Variants in CNTN5 observed in about 807,000 individuals in gnomAD.
CNTN5 encodes the protein contactin 5, also known as contactin-5.
A neutral mutation model predicts 129.1 loss-of-function variants in CNTN5; 77 were observed. That is an observed-to-expected ratio of 0.60 (90% CI 0.50 to 0.72). The LOEUF is 0.72. CNTN5 is among the 30% of genes least tolerant of loss of function. CNTN5 has a pLI of 0.00. For missense variants in CNTN5, 1,478 were observed against 1,328.8 expected, an observed-to-expected ratio of 1.11 and a Z score of -1.75; for synonymous variants, 509 against 465.6, an observed-to-expected ratio of 1.09 and a Z score of -1.20.
chr11:99,525,535 A>T (rs1591217478), intron 2 of CNTN5, among the ~76,000 whole-genome samples: 2 of 152,252 alleles, frequency 1.3e-5, no homozygotes, highest in African/African-American at 2.4e-5. Flanking sequence ...AGTTAGGATG[A>T]TCTGGGGTAA....
At chr11:99,454,839 T>C (rs1944438550) in intron 2 of CNTN5, among the ~76,000 whole-genome samples, 2 of 152,094 alleles carry the variant, frequency 1.3e-5, no homozygotes, top group African/African-American at 4.8e-5. Flanking sequence ...GGAACAAAGT[T>C]ATATCTTGTA....
chr11:99,178,507 T>C (rs1052315674), intron 1 of CNTN5, among the ~76,000 whole-genome samples: 8 of 150,838 alleles, frequency 5.3e-5, no homozygotes, highest in African/African-American at 1.9e-4. Context: ...GGTGACAGAG[T>C]GAGACCTTGT....
intron 4 of CNTN5, among the ~76,000 whole-genome samples, chr11:99,839,271 TAAAAG>T (rs1465076655): frequency 6.6e-6 from 1 of 152,100 alleles, no homozygotes; most frequent in Non-Finnish European, 1.5e-5. Context: ...CACCAGCCCT[TAAAAG>T]AAATGTGTAC....
At chr11:99,143,558 C>T (rs937444500) in intron 1 of CNTN5, among the ~76,000 whole-genome samples, 1 of 151,774 alleles carries the variant, frequency 6.6e-6, no homozygotes, top group African/African-American at 2.4e-5. Flanking sequence ...TTCCTTCTTT[C>T]CTTTCTCCGT....
chr11:99,406,721 C>CCTGGTGT (rs1454856918), intron 2 of CNTN5, among the ~76,000 whole-genome samples: 2 of 152,148 alleles, frequency 1.3e-5, no homozygotes, highest in Non-Finnish European at 2.9e-5. Flanking sequence ...TAGAAGTTTA[C>CCTGGTGT]CTGGTGTTCT....
intron 23 of CNTN5, among the ~76,000 whole-genome samples, chr11:100,344,244 C>G (rs1056095933): frequency 3.3e-5 from 5 of 151,970 alleles, no homozygotes; most frequent in African/African-American, 1.2e-4. Flanking sequence ...ACATTAAGTC[C>G]AGTTTAAGAT....
intron 1 of CNTN5, among the ~76,000 whole-genome samples, chr11:99,312,674 T>A (rs1865163351): frequency 1.3e-5 from 2 of 152,288 alleles, no homozygotes; most frequent in Admixed American, 6.5e-5. Flanking sequence ...GTAAGACAAT[T>A]CAGATAGTGT....
At chr11:100,249,677 T>G (rs2138706779) in intron 16 of CNTN5, among the ~76,000 whole-genome samples, 1 of 152,290 alleles carries the variant, frequency 6.6e-6, no homozygotes, top group Non-Finnish European at 1.5e-5. Flanking sequence ...TATTAATCTA[T>G]CTTCAATGAT....
intron 2 of CNTN5, among the ~76,000 whole-genome samples, chr11:99,523,794 G>C (rs186632685): frequency 6.6e-5 from 10 of 152,206 alleles, no homozygotes; most frequent in Non-Finnish European, 1.3e-4. Flanking sequence ...GCGTGATTGA[G>C]CAAACATAGA....
intron 1 of CNTN5, among the ~76,000 whole-genome samples, chr11:99,223,612 C>T (rs1860518579): frequency 6.6e-6 from 1 of 152,036 alleles, no homozygotes; most frequent in Admixed American, 6.6e-5. Context: ...ATGCTTGAGC[C>T]CTGTTTGCAT....
chr11:100,060,113 G>A (rs1943401512), intron 9 of CNTN5, among the ~76,000 whole-genome samples: 1 of 151,898 alleles, frequency 6.6e-6, no homozygotes, highest in Admixed American at 6.6e-5. Context: ...GGGAAACTGA[G>A]GCAGGAGAAT....
At chr11:99,301,654 C>T (rs906895266) in intron 1 of CNTN5, among the ~76,000 whole-genome samples, 4 of 151,452 alleles carry the variant, frequency 2.6e-5, no homozygotes, top group Non-Finnish European at 5.9e-5. Context: ...AGAACATAAC[C>T]CCATTTTTAA....
At chr11:99,635,584 G>C (rs1391859350) in intron 3 of CNTN5, among the ~76,000 whole-genome samples, 1 of 151,890 alleles carries the variant, frequency 6.6e-6, no homozygotes, top group African/African-American at 2.4e-5. Context: ...GTTCTGAGTA[G>C]TAACCTCTGC....
At chr11:99,036,554 A>T (rs2135117772) in intron 1 of CNTN5, among the ~76,000 whole-genome samples, 1 of 152,320 alleles carries the variant, frequency 6.6e-6, no homozygotes, top group Middle Eastern at 3.4e-3. Context: ...ATATGAAATT[A>T]AAATTCTTAG....
chr11:99,678,083 A>G (rs1565417928), intron 3 of CNTN5, among the ~76,000 whole-genome samples: 1 of 152,088 alleles, frequency 6.6e-6, no homozygotes, highest in Non-Finnish European at 1.5e-5. Flanking sequence ...TTATTTGGGT[A>G]CATTTGACTC....
chr11:99,966,688 G>A (rs938803422), intron 8 of CNTN5, among the ~76,000 whole-genome samples: 4 of 152,212 alleles, frequency 2.6e-5, no homozygotes, highest in African/African-American at 4.8e-5. Flanking sequence ...TAGCACACAA[G>A]AAGTATCTGA....
chr11:99,648,316 A>G (rs188462231), intron 3 of CNTN5, among the ~76,000 whole-genome samples: 8 of 151,718 alleles, frequency 5.3e-5, no homozygotes. Context: ...TTTGTAAAAA[A>G]TGTTCAGCAT....
At chr11:99,377,434 T>G (rs761522495) in intron 2 of CNTN5, among the ~76,000 whole-genome samples, 6 of 152,260 alleles carry the variant, frequency 3.9e-5, no homozygotes, top group Middle Eastern at 3.4e-3. Context: ...TTTATCTTTC[T>G]CAAAGGCTTT....
intron 16 of CNTN5, among the ~76,000 whole-genome samples, chr11:100,226,908 C>T (rs10160795): frequency 0.044 from 6,652 of 152,102 alleles, 414 homozygotes; most frequent in African/African-American, 0.14. Flanking sequence ...ATTTGTTGGT[C>T]TGTAAACTCA....
Sources: gnomAD v4.1 joint callset for allele counts (sites outside exome capture counted in the v4.1 genomes callset) on GRCh38, gnomAD v4.1.1 for gene constraint, MANE v1.5 for transcripts, NCBI Gene and HGNC (gene_info 2026-07-23, HGNC 2026-07-21) for gene names.